PSTPIP2: variants seen among roughly 807,000 people sequenced by gnomAD.
The protein encoded by PSTPIP2 is proline-serine-threonine phosphatase interacting protein 2.
Under a neutral mutation model 63.3 loss-of-function variants are expected in PSTPIP2, and 33 were observed. The ratio of observed to expected loss-of-function variants is 0.52; its 90% CI spans 0.40 to 0.70. PSTPIP2 has a LOEUF of 0.70. Ranked by LOEUF, PSTPIP2 falls within the 30% of genes least tolerant of loss-of-function variation. The pLI is 0.00. For missense variants in PSTPIP2, 312 were observed against 400.7 expected (o/e 0.78, Z 1.89); for synonymous variants, 125 against 132.7 (o/e 0.94, Z 0.40).
chr18:45,985,816 A>G (rs1267063637), intron 14 of PSTPIP2, among the ~76,000 whole-genome samples: 2 of 149,232 alleles, frequency 1.3e-5, no homozygotes, highest in Non-Finnish European at 1.5e-5. Context: ...TTGCTGTGTT[A>G]CCCAGGCTGG....
chr18:45,987,589 G>A (rs2051480851), intron 14 of PSTPIP2, among the ~76,000 whole-genome samples: 1 of 149,860 alleles, frequency 6.7e-6, no homozygotes, highest in African/African-American at 2.5e-5. Flanking sequence ...TTTCATTGCA[G>A]ACAAATTCAA....
At position 45,999,505 on chromosome 18, in the gene PSTPIP2, C is replaced by T. The variant is rs1008434086; in HGVS notation, c.447G>A (p.Arg149=). The change falls in exon 7 of 15, where the codon CGG becomes CGA. Residue 149 remains arginine (R), a synonymous_variant. Transcript: ENST00000409746. ...CGGCCTGTTCTGCCTCATCTTTGTC[C>T]CGGCATTTCTGCTCATAGTTCTTCT... ...DAKKNYEQKC[R]DKDEAEQAVS... is the part of the protein sequence containing the mutation. 2.8e-5 allele frequency: 45 copies of T among 1,614,182 alleles called. No homozygotes were observed. The highest frequency in any genetic ancestry group is 3.7e-5 in the Non-Finnish European group (44 of 1,180,046).
intron 2 of PSTPIP2, chr18:46,028,949 G>A (rs1258697449): frequency 8.1e-7 from 1 of 1,231,236 alleles, no homozygotes; most frequent in Non-Finnish European, 1.2e-6. Flanking sequence ...AATGCTGAAC[G>A]TCCTTCTGCT....
chr18:46,049,012 G>C (rs1908484873), intron 1 of PSTPIP2, among the ~76,000 whole-genome samples: 1 of 46,264 alleles, frequency 2.2e-5, no homozygotes, highest in South Asian at 4.1e-4. Flanking sequence ...AAAAGCATGT[G>C]TGTGTGTGTG....
chr18:45,997,395 G>T (rs989509361), intron 9 of PSTPIP2, among the ~76,000 whole-genome samples: 1 of 151,988 alleles, frequency 6.6e-6, no homozygotes, highest in Middle Eastern at 3.2e-3. Flanking sequence ...CACCATGTTG[G>T]CCAGATGGTC....
At chr18:46,003,923 ATT>A (rs569661458) in intron 6 of PSTPIP2, among the ~76,000 whole-genome samples, 2 of 142,814 alleles carry the variant, frequency 1.4e-5, no homozygotes, top group African/African-American at 5.1e-5. Flanking sequence ...CACCCAGCTA[ATT>A]TTTTTTTTTT....
intron 2 of PSTPIP2, among the ~76,000 whole-genome samples, chr18:46,026,977 C>T (rs1032188116): frequency 1.3e-5 from 2 of 152,078 alleles, no homozygotes; most frequent in Non-Finnish European, 2.9e-5. Flanking sequence ...TGAACAGATG[C>T]ATGCAACAAA....
At chr18:45,987,118 C>T (rs924208782) in intron 14 of PSTPIP2, among the ~76,000 whole-genome samples, 6 of 152,180 alleles carry the variant, frequency 3.9e-5, no homozygotes, top group East Asian at 3.9e-4. Flanking sequence ...GGATTACAGG[C>T]GTGAGCCACT....
At chr18:46,060,077 G>T (rs920365663) in intron 1 of PSTPIP2, among the ~76,000 whole-genome samples, 2 of 152,082 alleles carry the variant, frequency 1.3e-5, no homozygotes, top group Non-Finnish European at 2.9e-5. Flanking sequence ...TTTCCAAATT[G>T]TTTAATAACT....
At chr18:46,016,295 T>G (rs2051851846) in intron 3 of PSTPIP2, 1 of 213,388 alleles carries the variant, frequency 4.7e-6, no homozygotes, top group African/African-American at 2.3e-5. Context: ...ACTTGTGAGG[T>G]GGAGGTTGCA....
intron 3 of PSTPIP2, among the ~76,000 whole-genome samples, chr18:46,023,108 C>G (rs1907434183): frequency 6.6e-6 from 1 of 152,064 alleles, no homozygotes; most frequent in African/African-American, 2.4e-5. Flanking sequence ...ACACTGGTGC[C>G]TATCAGAGGG....
At chr18:46,012,454 G>A (rs886413517) in intron 4 of PSTPIP2, among the ~76,000 whole-genome samples, 4 of 152,102 alleles carry the variant, frequency 2.6e-5, no homozygotes, top group Admixed American at 6.6e-5. Flanking sequence ...ACTCATTCAC[G>A]TCTATATGCA....
Position 46,024,691 on chromosome 18 carries a change from G to A in PSTPIP2, c.135-5C>T, listed in dbSNP as rs1457986668. On this transcript the variant is annotated splice_polypyrimidine_tract_variant and splice_region_variant and intron_variant, in intron 2 of 14. Transcript: ENST00000409746. The stretch of plus-strand genomic sequence containing the variant: ...TACCTCTCTTCAATTGCTGCCCTAG[G>A]GGAACAGAAGAGAGGGTTATGGGTC... 8 of 1,611,662 alleles carry A rather than the reference G, an allele frequency of 5.0e-6. No homozygotes were observed. Among genetic ancestry groups the A allele is most frequent in the Non-Finnish European group, 5.9e-6 (7 of 1,177,976 alleles).
rs113903710 is a variant in PSTPIP2 at position 46,055,280 on chromosome 18, T to C, written c.34-15233A>G. On this transcript the variant is annotated intron_variant, in intron 1 of 14. Transcript: ENST00000409746. The stretch of plus-strand genomic sequence containing the variant: ...CCCTCCAATCACCTAATGTGGTAGG[T>C]AGATAGTGACACCCTCTCCCAAAGA... Among the ~76,000 whole-genome samples the C allele has an allele frequency of 5.7e-3, 872 of 152,252 alleles. 16 individuals carry two copies. The highest frequency in any genetic ancestry group is 0.032 in the Admixed American group (490 of 15,290).
intron 14 of PSTPIP2, among the ~76,000 whole-genome samples, chr18:45,988,354 G>A (rs79643869): frequency 0.24 from 35,953 of 150,924 alleles, 6,141 homozygotes; most frequent in African/African-American, 0.47. Flanking sequence ...AAGATCACTT[G>A]AACCCAGGAT....
At chr18:46,012,133 A>T (rs147419485) in intron 4 of PSTPIP2, among the ~76,000 whole-genome samples, 2 of 152,242 alleles carry the variant, frequency 1.3e-5, no homozygotes, top group Non-Finnish European at 1.5e-5. Flanking sequence ...GCCAATAAAC[A>T]TTTGGAAATA....
intron 1 of PSTPIP2, among the ~76,000 whole-genome samples, chr18:46,065,773 T>A (rs1909168223): frequency 1.3e-5 from 2 of 151,942 alleles, no homozygotes; most frequent in South Asian, 4.2e-4. Flanking sequence ...CCAATTTTTG[T>A]ATTTCTTTAG....
At chr18:46,023,845 A>G (rs1343172929) in intron 3 of PSTPIP2, among the ~76,000 whole-genome samples, 1 of 151,818 alleles carries the variant, frequency 6.6e-6, no homozygotes, top group Non-Finnish European at 1.5e-5. Context: ...AAACACACAC[A>G]TACAATACAC....
At chr18:46,067,561 C>T (rs550969179) in intron 1 of PSTPIP2, among the ~76,000 whole-genome samples, 1 of 151,368 alleles carries the variant, frequency 6.6e-6, no homozygotes, top group Non-Finnish European at 1.5e-5. Context: ...AAGCCACAAC[C>T]TAACTTAGTG....
Sources: allele counts gnomAD v4.1 joint callset (sites outside exome capture counted in the v4.1 genomes callset), GRCh38; gene constraint gnomAD v4.1.1; transcripts MANE v1.5; gene names NCBI Gene and HGNC (gene_info 2026-07-23, HGNC 2026-07-21).